The following R3HDM2 variants were observed in gnomAD, a reference collection of about 807,000 sequenced individuals.
R3HDM2 encodes R3H domain containing 2.
In R3HDM2, 38 loss-of-function variants were observed where a neutral mutation model predicts 124.5. That is an observed-to-expected ratio of 0.31 (90% CI 0.24 to 0.40). R3HDM2 has a LOEUF of 0.40. Ranked by LOEUF, R3HDM2 falls within the 10% of genes least tolerant of loss-of-function variation. R3HDM2 has a pLI of 1.00. For synonymous variants in R3HDM2, 391 were observed against 448.0 expected (o/e 0.87, Z 1.61); for missense variants, 869 against 1,236.9 (o/e 0.70, Z 4.46).
chr12:57,315,845 C>G (rs1412543825), intron 2 of R3HDM2, among the ~76,000 whole-genome samples: 4 of 152,174 alleles, frequency 2.6e-5, no homozygotes, highest in Non-Finnish European at 5.9e-5. Context: ...GTTGGCTGGG[C>G]GTGTTGGCTC....
intron 2 of R3HDM2, among the ~76,000 whole-genome samples, chr12:57,319,036 G>A (rs2055796088): frequency 6.6e-6 from 1 of 152,088 alleles, no homozygotes; most frequent in Non-Finnish European, 1.5e-5. Context: ...AAAGACACAA[G>A]GGAATCATGG....
Position 57,259,036 on chromosome 12 carries a change from C to T in R3HDM2, c.2155G>A (p.Val719Ile), listed in dbSNP as rs776733760. Residue 719 changes from valine to isoleucine, a missense_variant, in exon 20 of 24, where the codon GTA (valine) becomes ATA (isoleucine). Transcript: ENST00000402412. ...GGGACATTCAGCTGCATGACCACTA[C>T]ACCTGGTCCAGAAGGTGACACTCCT... ...YSGVSPSGPGVVVMQLNVPNG... is the reference protein window; with the variant it reads ...YSGVSPSGPGIVVMQLNVPNG... The T allele has an allele frequency of 3.1e-6, 5 of 1,612,706 alleles. No individual in the cohort carries two copies. Among genetic ancestry groups the T allele is most frequent in the Admixed American group, 1.7e-5 (1 of 59,694 alleles).
At chr12:57,270,029 G>A (rs748322673) in intron 14 of R3HDM2, 35 bp from the exon 15 acceptor site, 262 of 1,608,568 alleles carry the variant, frequency 1.6e-4, no homozygotes, top group Non-Finnish European at 2.2e-4. Flanking sequence ...GATTGGGGCT[G>A]TATCAAACCT....
intron 1 of R3HDM2, among the ~76,000 whole-genome samples, chr12:57,412,645 G>A (rs994695317): frequency 1.3e-5 from 2 of 152,156 alleles, no homozygotes; most frequent in African/African-American, 4.8e-5. Flanking sequence ...GAGAGCAGAA[G>A]ATATAAAGAG....
intron 11 of R3HDM2, among the ~76,000 whole-genome samples, chr12:57,289,557 T>A (rs994065209): frequency 6.6e-6 from 1 of 152,220 alleles, no homozygotes; most frequent in Non-Finnish European, 1.5e-5. Flanking sequence ...GGGGAAGCAG[T>A]TACTTTTCAG....
At chr12:57,401,516 C>T (rs758456691) in intron 1 of R3HDM2, among the ~76,000 whole-genome samples, 5 of 152,214 alleles carry the variant, frequency 3.3e-5, no homozygotes, top group Non-Finnish European at 7.3e-5. Flanking sequence ...TAGAGGCAAA[C>T]TGTGACAGAG....
At chr12:57,377,083 T>TAAATAAATAAATAAAC (rs2064166192) in intron 2 of R3HDM2, among the ~76,000 whole-genome samples, 1 of 115,176 alleles carries the variant, frequency 8.7e-6, no homozygotes, top group Non-Finnish European at 1.8e-5. Context: ...CCACGCTAAA[T>TAAATAAATAAATAAAC]AAATAAATAA....
chr12:57,383,308 G>A (rs2065180636), intron 2 of R3HDM2, among the ~76,000 whole-genome samples: 1 of 152,040 alleles, frequency 6.6e-6, no homozygotes, highest in African/African-American at 2.4e-5. Flanking sequence ...GTGAGACCCT[G>A]TCTCTAAATA....
rs186568495 is a variant in R3HDM2, at chr12:57,336,280, C to A, written c.-35-25817G>T. On this transcript the variant is annotated intron_variant, in intron 2 of 23. Transcript: ENST00000402412. ...GCTAAAAGCAGAACTACCATTCAAC[C>A]CAGCAATCCCATTACTGAGTTTATA... Among the ~76,000 whole-genome samples the A allele has an allele frequency of 1.1e-4, 16 of 152,174 alleles. No homozygotes were observed. In the East Asian group the frequency reaches 2.9e-3, roughly 28 times the overall value.
intron 1 of R3HDM2, among the ~76,000 whole-genome samples, chr12:57,397,451 TACC>T (rs1405041879): frequency 3.9e-5 from 6 of 152,174 alleles, no homozygotes; most frequent in African/African-American, 1.4e-4. Context: ...GTTCCACAAA[TACC>T]ACATCATGAA....
At chr12:57,307,323 TTG>T in intron 3 of R3HDM2, among the ~76,000 whole-genome samples, 2 of 149,304 alleles carry the variant, frequency 1.3e-5, no homozygotes, top group Non-Finnish European at 3.0e-5. Context: ...TGTTGTTGTT[TTG>T]TTTTGTTTTT....
chr12:57,339,375 G>A (rs2059272176), intron 2 of R3HDM2, among the ~76,000 whole-genome samples: 1 of 152,138 alleles, frequency 6.6e-6, no homozygotes, highest in African/African-American at 2.4e-5. Context: ...TTGAATTCCA[G>A]GGGGCAAGCA....
In R3HDM2 at chr12:57,253,834, C is replaced by A; in HGVS notation, c.*939G>T. 4.7e-5 allele frequency: 8 copies of A among 169,830 alleles called. No homozygotes were observed. The highest frequency in any genetic ancestry group is 1.3e-4 in the South Asian group (1 of 7,806). 10.5% of individuals were successfully genotyped at this position (169,830 alleles called of 1,614,324 possible). ...TCCCCCCAAATAACCCCCAAACAAACAAAAAAACAGATTAAATAAAATTTA... is the reference window on the plus strand; with the variant it reads ...TCCCCCCAAATAACCCCCAAACAAAAAAAAAAACAGATTAAATAAAATTTA... On this transcript the variant is annotated 3_prime_UTR_variant, in exon 24 of 24. Transcript: ENST00000402412.
At chr12:57,410,318 T>TAAAAAAAAAAAAAAAAAAAAAAAAAAAAA (rs56412130) in intron 1 of R3HDM2, among the ~76,000 whole-genome samples, 1 of 100,142 alleles carries the variant, frequency 1.0e-5, no homozygotes, top group African/African-American at 3.8e-5. Flanking sequence ...AGTATAACCT[T>TAAAAAAAAAAAAAAAAAAAAAAAAAAAAA]AAAAAAAAAA....
chr12:57,400,513 C>G (rs1304371059), intron 1 of R3HDM2, among the ~76,000 whole-genome samples: 2 of 152,062 alleles, frequency 1.3e-5, no homozygotes, highest in Middle Eastern at 6.3e-3. Flanking sequence ...AGCACACCAT[C>G]ATGGCACATG....
intron 12 of R3HDM2, among the ~76,000 whole-genome samples, chr12:57,287,875 C>A (rs2138208654): frequency 6.6e-6 from 1 of 152,136 alleles, no homozygotes; most frequent in East Asian, 1.9e-4. Flanking sequence ...GGGTCTTATA[C>A]CTGCTTTGTG....
intron 2 of R3HDM2, among the ~76,000 whole-genome samples, chr12:57,327,466 CAAAAAA>C (rs34045324): frequency 9.5e-6 from 1 of 105,792 alleles, no homozygotes; most frequent in African/African-American, 3.9e-5. Flanking sequence ...GACTCCGTCT[CAAAAAA>C]AAAAAAAAAA....
chr12:57,304,640 C>T (rs2052144981), intron 3 of R3HDM2: 1 of 417,152 alleles, frequency 2.4e-6, no homozygotes. Context: ...AGGGAAGATT[C>T]ATAGTCCAGA....
At chr12:57,301,694 T>C (rs985568145) in intron 4 of R3HDM2, among the ~76,000 whole-genome samples, 7 of 152,240 alleles carry the variant, frequency 4.6e-5, no homozygotes, top group Non-Finnish European at 7.3e-5. Context: ...CAATTTATCA[T>C]AGTTCTTGGC....
Sources: gnomAD v4.1 joint callset for allele counts (sites outside exome capture counted in the v4.1 genomes callset) on GRCh38, gnomAD v4.1.1 for gene constraint, MANE v1.5 for transcripts, NCBI Gene and HGNC (gene_info 2026-07-23, HGNC 2026-07-21) for gene names.